SMIM3: variants seen among roughly 807,000 people sequenced by gnomAD.
The protein encoded by SMIM3 is NGF-induced differentiation clone 67 protein.
Under a neutral mutation model 2.1 loss-of-function variants are expected in SMIM3, and 4 were observed. That is an observed-to-expected ratio of 1.89 (90% CI 0.93 to 4.31). SMIM3 has a LOEUF of 4.31. Ranked by LOEUF, SMIM3 falls within the 30% of genes most tolerant of loss-of-function variation. SMIM3 has a pLI of 0.01. For synonymous variants in SMIM3, 29 were observed against 30.8 expected, an observed-to-expected ratio of 0.94 and a Z score of 0.19; for missense variants, 79 against 77.7, an observed-to-expected ratio of 1.02 and a Z score of -0.06.
chr5:150,780,154 A>C (rs1245176670), intron 1 of SMIM3, among the ~76,000 whole-genome samples: 1 of 152,096 alleles, frequency 6.6e-6, no homozygotes, highest in Admixed American at 6.5e-5. Flanking sequence ...TGGGAGCGGG[A>C]AGAACAGGTA....
Position 150,795,565 on chromosome 5 carries a change from C to A in SMIM3, c.125C>A (p.Ala42Asp). 1 of 1,602,536 alleles carries A rather than the reference C, an allele frequency of 6.2e-7. No homozygotes were observed. Among genetic ancestry groups the A allele is most frequent in the Non-Finnish European group, 8.5e-7 (1 of 1,177,400 alleles). Residue 42 changes from alanine to aspartate, a missense_variant, in exon 2 of 2, where the codon GCC becomes GAC. Transcript: ENST00000526627. Reference protein sequence around the residue: ...VIMTSLLLCPATAVIIYRMRT... With the variant: ...VIMTSLLLCPDTAVIIYRMRT... ...ATGACCTCGTTGTTGCTGTGCCCAG[C>A]CACTGCAGTAATCATCTATCGCATG... is the stretch of plus-strand genomic sequence containing the variant.
intron 1 of SMIM3, among the ~76,000 whole-genome samples, chr5:150,790,419 C>G (rs1388221762): frequency 6.6e-6 from 1 of 152,128 alleles, no homozygotes; most frequent in Middle Eastern, 3.2e-3. Flanking sequence ...ATCCCGCCCC[C>G]GGTCCTCTAA....
chr5:150,780,160 A>C (rs73280108), intron 1 of SMIM3, among the ~76,000 whole-genome samples: 1 of 152,008 alleles, frequency 6.6e-6, no homozygotes, highest in East Asian at 1.9e-4. Context: ...CGGGAAGAAC[A>C]GGTACTCTGG....
intron 1 of SMIM3, among the ~76,000 whole-genome samples, chr5:150,792,222 T>C (rs1024855342): frequency 6.6e-6 from 1 of 152,226 alleles, no homozygotes; most frequent in African/African-American, 2.4e-5. Flanking sequence ...GGAATTTTGC[T>C]TGGAACCTAG....
At chr5:150,782,816 A>C (rs548015443) in intron 1 of SMIM3, among the ~76,000 whole-genome samples, 2 of 152,166 alleles carry the variant, frequency 1.3e-5, no homozygotes, top group South Asian at 4.1e-4. Flanking sequence ...TCCCATATTC[A>C]TTTCTTCATT....
rs567276694 is a variant in SMIM3 at position 150,785,213 on chromosome 5, G to A, written c.-12+6241G>A. 3.4e-3 allele frequency among the ~76,000 whole-genome samples: 504 copies of A among 149,910 alleles called. 2 individuals carry two copies. The highest frequency in any genetic ancestry group is 0.011 in the African/African-American group (452 of 40,788). ...AGCGATTCTCTTGCCTCAGTCTCCC[G>A]AGTAGCTGGGATTACAGACGTGTGC... On this transcript the variant is annotated intron_variant, in intron 1 of 1. Transcript: ENST00000526627.
At chr5:150,787,098 C>A (rs1753300733) in intron 1 of SMIM3, among the ~76,000 whole-genome samples, 2 of 152,288 alleles carry the variant, frequency 1.3e-5, no homozygotes, top group Non-Finnish European at 1.5e-5. Context: ...TGGACTCCAA[C>A]TTTTGTCCCC....
chr5:150,779,004 G>C, intron 1 of SMIM3, 32 bp downstream of exon 1: 1 of 478,140 alleles, frequency 2.1e-6, no homozygotes, highest in Non-Finnish European at 4.3e-6. Flanking sequence ...TTGTTTGTGG[G>C]GCTCTGGCAG....
chr5:150,793,863 C>G (rs1043690931), intron 1 of SMIM3, among the ~76,000 whole-genome samples: 2 of 152,168 alleles, frequency 1.3e-5, no homozygotes, highest in African/African-American at 2.4e-5. Flanking sequence ...GCAAAAGGAA[C>G]AGTCGGCAGA....
chr5:150,779,905 A>T (rs73280106), intron 1 of SMIM3, among the ~76,000 whole-genome samples: 15,079 of 132,076 alleles, frequency 0.11, 1,116 homozygotes, highest in East Asian at 0.28. Flanking sequence ...CTGGGCTCTT[A>T]CTTATGCAGC....
At chr5:150,790,057 T>A (rs1276691741) in intron 1 of SMIM3, among the ~76,000 whole-genome samples, 2 of 152,190 alleles carry the variant, frequency 1.3e-5, no homozygotes, top group East Asian at 3.8e-4. Context: ...TTTGTTTTAG[T>A]TAGGGGCAGC....
chr5:150,793,653 C>T (rs909743396), intron 1 of SMIM3, among the ~76,000 whole-genome samples: 1 of 152,140 alleles, frequency 6.6e-6, no homozygotes, highest in Non-Finnish European at 1.5e-5. Flanking sequence ...TCATCTCTCA[C>T]CTCATACAAA....
At chr5:150,785,204 C>T (rs1753277988) in intron 1 of SMIM3, among the ~76,000 whole-genome samples, 1 of 150,292 alleles carries the variant, frequency 6.7e-6, no homozygotes, top group African/African-American at 2.5e-5. Context: ...TCTCTTGCCT[C>T]AGTCTCCCGA....
At chr5:150,786,428 C>T (rs1753294180) in intron 1 of SMIM3, among the ~76,000 whole-genome samples, 1 of 152,100 alleles carries the variant, frequency 6.6e-6, no homozygotes. Flanking sequence ...GCTGGGACTA[C>T]AGGTGCACAC....
In SMIM3 at chr5:150,795,641, C is replaced by T. The variant is rs188375591; in HGVS notation, c.*18C>T. On this transcript the variant is annotated 3_prime_UTR_variant, in exon 2 of 2. Coordinates refer to ENST00000526627, the MANE Select transcript of SMIM3 (RefSeq NM_032947.5). ...CTGTTTGAGAGCCTCCCAAGAGGGC[C>T]GGGTGAGGGATGAGGACAGGCATCC... The T allele has an allele frequency of 1.4e-5, 21 of 1,538,088 alleles. No homozygotes were observed. In the Admixed American group the frequency reaches 1.6e-4, roughly 11 times the overall value.
At position 150,783,975 on chromosome 5, in the gene SMIM3, G is replaced by A. The variant is rs186995053; in HGVS notation, c.-12+5003G>A. Among the ~76,000 whole-genome samples the A allele has an allele frequency of 1.2e-3, 170 of 144,836 alleles. 1 individual carries two copies. Among genetic ancestry groups the A allele is most frequent in the Middle Eastern group, 3.6e-3 (1 of 280 alleles). On this transcript the variant is annotated intron_variant, in intron 1 of 1. Coordinates refer to ENST00000526627, the MANE Select transcript of SMIM3 (RefSeq NM_032947.5). ...CACTCTGTCACCAGGCTGGAGAGCA[G>A]TGGTGTGATCTTGGCTAACTGCAAC...
chr5:150,791,415 C>A (rs901549623), intron 1 of SMIM3, among the ~76,000 whole-genome samples: 1 of 152,050 alleles, frequency 6.6e-6, no homozygotes, highest in African/African-American at 2.4e-5. Context: ...ATTCCCCCGA[C>A]CTTCCAGCCT....
chr5:150,792,701 AT>A (rs1195102346), intron 1 of SMIM3, among the ~76,000 whole-genome samples: 1 of 152,070 alleles, frequency 6.6e-6, no homozygotes, highest in Non-Finnish European at 1.5e-5. Flanking sequence ...TGCCAATCTA[AT>A]TAGCATTAAA....
chr5:150,785,872 T>A (rs1465191507), intron 1 of SMIM3, among the ~76,000 whole-genome samples: 1 of 152,150 alleles, frequency 6.6e-6, no homozygotes, highest in Admixed American at 6.5e-5. Flanking sequence ...CATGAGTCAC[T>A]GTACCTGGCC....
Sources: allele counts gnomAD v4.1 joint callset (sites outside exome capture counted in the v4.1 genomes callset), GRCh38; gene constraint gnomAD v4.1.1; transcripts MANE v1.5; gene names NCBI Gene and HGNC (gene_info 2026-07-23, HGNC 2026-07-21).